RWDD1: variants seen among roughly 807,000 people sequenced by gnomAD.
The protein encoded by RWDD1 is RWD domain containing 1, also known as RWD domain-containing protein 1.
In RWDD1, 17 loss-of-function variants were observed where a neutral mutation model predicts 31.6. The ratio of observed to expected loss-of-function variants is 0.54; its 90% CI spans 0.37 to 0.81. RWDD1 has a LOEUF of 0.81. Ranked by LOEUF, RWDD1 falls within the 30% of genes least tolerant of loss-of-function variation. The pLI, the probability that RWDD1 is intolerant of heterozygous loss-of-function variation, is 0.00. For synonymous variants in RWDD1, 78 were observed against 94.2 expected (o/e 0.83, Z 0.99); for missense variants, 204 against 274.5 (o/e 0.74, Z 1.82).
chr6:116,576,430 C>T (rs1274823176), intron 1 of RWDD1, among the ~76,000 whole-genome samples: 1 of 152,148 alleles, frequency 6.6e-6, no homozygotes, highest in Non-Finnish European at 1.5e-5. Context: ...TTACTCCTTC[C>T]CATAACCTTT....
At chr6:116,590,825 T>C in intron 5 of RWDD1, 63 bp from the exon 6 acceptor site, 1 of 1,523,074 alleles carries the variant, frequency 6.6e-7, no homozygotes, top group Non-Finnish European at 8.7e-7. Context: ...TTTCTAAGTA[T>C]TGTAGTGAAA....
chr6:116,577,282 C>G (rs768232329), intron 1 of RWDD1, among the ~76,000 whole-genome samples: 2 of 152,096 alleles, frequency 1.3e-5, no homozygotes, highest in Non-Finnish European at 2.9e-5. Context: ...AAACTCACTT[C>G]CCTTGATTTT....
chr6:116,580,479 T>C, intron 2 of RWDD1, 119 bp downstream of exon 2: 2 of 535,772 alleles, frequency 3.7e-6, no homozygotes, highest in Non-Finnish European at 6.5e-6. Flanking sequence ...ACGAATCTGC[T>C]ATGAATGTTG....
intron 1 of RWDD1, among the ~76,000 whole-genome samples, chr6:116,573,362 A>G (rs1262054304): frequency 6.6e-6 from 1 of 152,220 alleles, no homozygotes; most frequent in South Asian, 2.1e-4. Context: ...ATTCTGAGCC[A>G]GGGTAATAAA....
intron 2 of RWDD1, among the ~76,000 whole-genome samples, chr6:116,581,283 T>C (rs1173986488): frequency 6.6e-6 from 1 of 152,138 alleles, no homozygotes; most frequent in African/African-American, 2.4e-5. Flanking sequence ...TTTTCCTTTG[T>C]AAATAAGCCA....
chr6:116,586,044 T>A (rs1775034380), intron 3 of RWDD1, among the ~76,000 whole-genome samples: 1 of 152,164 alleles, frequency 6.6e-6, no homozygotes, highest in African/African-American at 2.4e-5. Flanking sequence ...AATTATTCAG[T>A]CTAAGTGAAT....
chr6:116,572,061 G>C (rs1774747637), intron 1 of RWDD1, among the ~76,000 whole-genome samples: 1 of 151,716 alleles, frequency 6.6e-6, no homozygotes, highest in African/African-American at 2.4e-5. Context: ...TTTTTCATAC[G>C]ATGCTGTTTT....
In RWDD1 at chr6:116,590,508, T is replaced by G. The variant is rs1043354753; in HGVS notation, c.547+104T>G. 3 of 1,353,780 alleles carry G rather than the reference T, an allele frequency of 2.2e-6. No individual in the cohort carries two copies. The Admixed American group carries it at 8.1e-5, about 37-fold the overall frequency. The allele number at this position is 1,353,780 out of a possible 1,614,324, so 83.9% of individuals were successfully genotyped here. The stretch of plus-strand genomic sequence containing the variant: ...GATTTCTGTAAGAAAATAATATACA[T>G]AGGCATCTAGGACAAAAAGAGAAAA... On this transcript the variant is annotated intron_variant, in intron 5 of 6. Transcript: ENST00000466444.
chr6:116,588,792 A>T (rs773172590), intron 3 of RWDD1, 50 bp from the exon 4 acceptor site: 1 of 1,365,054 alleles, frequency 7.3e-7, no homozygotes, highest in South Asian at 1.5e-5. Context: ...AAATGTATGG[A>T]CTTTTATTTT....
At chr6:116,577,674 C>G (rs1774874260) in intron 1 of RWDD1, among the ~76,000 whole-genome samples, 1 of 152,028 alleles carries the variant, frequency 6.6e-6, no homozygotes, top group Admixed American at 6.6e-5. Context: ...TGCTGCCGAC[C>G]TAGTTCAGGA....
At chr6:116,584,559 G>T (rs1422405082) in intron 2 of RWDD1, among the ~76,000 whole-genome samples, 168 bp from the exon 3 acceptor site, 2 of 152,138 alleles carry the variant, frequency 1.3e-5, no homozygotes, top group African/African-American at 4.8e-5. Flanking sequence ...TTTGTTTCAT[G>T]TATCTCTTTG....
At chr6:116,576,143 T>C (rs554794754) in intron 1 of RWDD1, among the ~76,000 whole-genome samples, 1 of 152,364 alleles carries the variant, frequency 6.6e-6, no homozygotes, top group Admixed American at 6.5e-5. Context: ...TTATGTAGTG[T>C]CCTTGGACAA....
At position 116,590,313 on chromosome 6, in the gene RWDD1, A is replaced by G. The variant is rs1775118698; in HGVS notation, c.456A>G (p.Leu152=). 2.5e-6 allele frequency: 4 copies of G among 1,597,786 alleles called. No individual in the cohort carries two copies. Among genetic ancestry groups the G allele is most frequent in the South Asian group, 2.3e-5 (2 of 87,162 alleles). Residue 152 remains leucine (L), a synonymous_variant, in exon 5 of 7, where the codon TTA becomes TTG. Transcript: ENST00000466444. ...HGTPVTIENF[L]NWKAKFDAEL... is the part of the protein sequence containing the mutation. ...CTCCAGTTACAATTGAGAATTTCTT[A>G]AATTGGAAAGCCAAGTTTGATGCAG... is the stretch of plus-strand genomic sequence containing the variant.
Position 116,597,477 on chromosome 6 carries a change from C to T in RWDD1, c.*4376C>T, listed in dbSNP as rs1356629180. The T allele has an allele frequency of 6.6e-6, 1 of 152,118 alleles. No homozygotes were observed. The highest frequency in any genetic ancestry group is 1.5e-5 in the Non-Finnish European group (1 of 68,004). The allele number at this position is 152,118 out of a possible 1,614,324, so 9.4% of individuals were successfully genotyped here. A position where few individuals can be genotyped will look rare whatever the true frequency, so the allele number is the denominator to read the frequency against. On this transcript the variant is annotated 3_prime_UTR_variant, in exon 7 of 7. Transcript: ENST00000466444. ...TCTCCATTAGTTTTCTTGACTTCTT[C>T]ATCTCCCTGCATAAAGATGAAGGGT...
chr6:116,592,478 G>C (rs1415630169), intron 6 of RWDD1, among the ~76,000 whole-genome samples: 2 of 152,156 alleles, frequency 1.3e-5, no homozygotes, highest in Admixed American at 1.3e-4. Context: ...TGCAGAGCCT[G>C]GGTATTGTTT....
At chr6:116,571,766 C>T in intron 1 of RWDD1, 111 bp downstream of exon 1, 1 of 848,774 alleles carries the variant, frequency 1.2e-6, no homozygotes, top group South Asian at 1.9e-5. Context: ...ACCTTGAGGC[C>T]GCGCGGCCAC....
chr6:116,573,994 G>A, intron 1 of RWDD1: 1 of 984,680 alleles, frequency 1.0e-6, no homozygotes, highest in Non-Finnish European at 1.2e-6. Flanking sequence ...TTTTGGTCCA[G>A]TGTTGCATTT....
chr6:116,574,844 C>G (rs1330213038), intron 1 of RWDD1, among the ~76,000 whole-genome samples: 1 of 148,014 alleles, frequency 6.8e-6, no homozygotes, highest in Non-Finnish European at 1.5e-5. Context: ...AATCAGCTCA[C>G]TGGAACCATG....
At position 116,593,388 on chromosome 6, in the gene RWDD1, A is replaced by T. The variant is rs1412525397; in HGVS notation, c.*287A>T. 1 of 222,366 alleles carries T rather than the reference A, an allele frequency of 4.5e-6. No individual in the cohort carries two copies. The highest frequency in any genetic ancestry group is 2.3e-5 in the African/African-American group (1 of 43,592). The allele number at this position is 222,366 out of a possible 1,614,324, so 13.8% of individuals were successfully genotyped here. Reference sequence around the variant, plus strand: ...TCGAAGGTAGGCTGCTGCTGTGCACATGAGTTTATACACAGGAAATTGGAA... The same window carrying T: ...TCGAAGGTAGGCTGCTGCTGTGCACTTGAGTTTATACACAGGAAATTGGAA... On this transcript the variant is annotated 3_prime_UTR_variant, in exon 7 of 7. Transcript: ENST00000466444.
Sources: allele counts gnomAD v4.1 joint callset (sites outside exome capture counted in the v4.1 genomes callset), GRCh38; gene constraint gnomAD v4.1.1; transcripts MANE v1.5; gene names NCBI Gene and HGNC (gene_info 2026-07-23, HGNC 2026-07-21).